ARPP21: variants seen among roughly 807,000 people sequenced by gnomAD.
ARPP21 encodes cAMP regulated phosphoprotein 21.
A neutral mutation model predicts 113.2 loss-of-function variants in ARPP21; 69 were observed. That is an observed-to-expected ratio of 0.61 (90% confidence interval 0.50 to 0.74). The LOEUF is 0.74. Ranked by LOEUF, ARPP21 falls within the 30% of genes least tolerant of loss-of-function variation. The pLI is 0.00. For missense variants in ARPP21, 1,070 were observed against 1,037.4 expected (o/e 1.03, Z -0.43); for synonymous variants, 368 against 375.5 (o/e 0.98, Z 0.23).
At chr3:35,669,368 G>C (rs911991798) in intron 1 of ARPP21, among the ~76,000 whole-genome samples, 16 of 152,032 alleles carry the variant, frequency 1.1e-4, no homozygotes, top group African/African-American at 3.9e-4. Flanking sequence ...TCACAAATAA[G>C]CCCACAGCTC....
At chr3:35,724,766 G>A (rs976603055) in intron 14 of ARPP21, among the ~76,000 whole-genome samples, 5 of 152,134 alleles carry the variant, frequency 3.3e-5, no homozygotes, top group African/African-American at 1.2e-4. Context: ...GACACCCCAT[G>A]TTTCTACCAC....
intron 1 of ARPP21, among the ~76,000 whole-genome samples, chr3:35,671,239 T>A (rs1255608274): frequency 6.6e-6 from 1 of 152,126 alleles, no homozygotes; most frequent in Non-Finnish European, 1.5e-5. Flanking sequence ...TCTCAGGTAG[T>A]TTTGTTGTTA....
chr3:35,731,363 T>A (rs1287815877), intron 15 of ARPP21, among the ~76,000 whole-genome samples: 1 of 152,176 alleles, frequency 6.6e-6, no homozygotes, highest in Non-Finnish European at 1.5e-5. Flanking sequence ...TATCAAAATA[T>A]CTCTTTTGTA....
At chr3:35,639,490 C>T (rs1302360135), upstream of ARPP21, 1 of 151,508 alleles carries the variant, frequency 6.6e-6, no homozygotes, top group Non-Finnish European at 1.5e-5. The surrounding 1 kb of genome is among the most constrained non-coding windows in gnomAD (Gnocchi z 5.0). Flanking sequence ...GCGGCAGTGC[C>T]AGCCGCGTGG....
intron 1 of ARPP21, among the ~76,000 whole-genome samples, chr3:35,671,817 C>A (rs969511426): frequency 1.3e-4 from 20 of 151,782 alleles, no homozygotes; most frequent in African/African-American, 4.6e-4. Flanking sequence ...TGTCACCTAG[C>A]AATATAAGCA....
intron 19 of ARPP21, among the ~76,000 whole-genome samples, chr3:35,773,493 C>T (rs1008733473): frequency 5.9e-5 from 9 of 152,078 alleles, no homozygotes. Context: ...TATTTACTTC[C>T]TCCCTCAAAA....
rs112002226 is a variant in ARPP21, at chr3:35,757,227, T to TAA, written c.2137+13275_2137+13276dup. Among the ~76,000 whole-genome samples the TAA allele has an allele frequency of 7.0e-5, 10 of 143,452 alleles. No homozygotes were observed. In the East Asian group the frequency reaches 1.6e-3, roughly 23 times the overall value. 94.1% of individuals were successfully genotyped at this position (143,452 alleles called of 152,430 possible). A position where few individuals can be genotyped will look rare whatever the true frequency, so the allele number is the denominator to read the frequency against. ...GCACCCGCCACCACATCTGGCTAATTAAAAAAAAAAAAAATTGTAAAGATA... is the reference window on the plus strand; with the variant it reads ...GCACCCGCCACCACATCTGGCTAATTAAAAAAAAAAAAAAAATTGTAAAGATA... On this transcript the variant is annotated intron_variant, in intron 19 of 20. Coordinates refer to ENST00000684406, the MANE Select transcript of ARPP21 (RefSeq NM_001385562.1).
chr3:35,659,303 AT>A (rs1365059106), intron 1 of ARPP21, among the ~76,000 whole-genome samples: 1 of 152,180 alleles, frequency 6.6e-6, no homozygotes, highest in Non-Finnish European at 1.5e-5. Context: ...ACAAGCTCAG[AT>A]TTTTTGGTTA....
intron 5 of ARPP21, chr3:35,684,546 G>T (rs1211356806): frequency 6.1e-6 from 6 of 985,392 alleles, no homozygotes; most frequent in Non-Finnish European, 7.2e-6. Context: ...TATAAAAAAT[G>T]GTCTTGCTGC....
intron 1 of ARPP21, among the ~76,000 whole-genome samples, chr3:35,651,437 C>G (rs1469513901): frequency 2.0e-5 from 3 of 151,976 alleles, no homozygotes; most frequent in African/African-American, 7.2e-5. Flanking sequence ...GTATAATATT[C>G]ATGCATCCAT....
At chr3:35,749,094 A>T (rs550444064) in intron 19 of ARPP21, among the ~76,000 whole-genome samples, 1 of 152,346 alleles carries the variant, frequency 6.6e-6, no homozygotes, top group South Asian at 2.1e-4. Context: ...GCATGTGAGA[A>T]ATAAACCAGC....
chr3:35,729,918 T>A (rs953441361), intron 15 of ARPP21, among the ~76,000 whole-genome samples: 6 of 152,206 alleles, frequency 3.9e-5, no homozygotes, highest in Admixed American at 2.6e-4. Context: ...TTAGCTTGTA[T>A]TATGTCAAAA....
intron 1 of ARPP21, among the ~76,000 whole-genome samples, chr3:35,677,493 G>T (rs143940300): frequency 6.6e-6 from 1 of 151,880 alleles, no homozygotes; most frequent in African/African-American, 2.4e-5. Context: ...TATTTTACTT[G>T]CTTTCTTCAT....
intron 9 of ARPP21, among the ~76,000 whole-genome samples, chr3:35,703,436 T>C (rs558199153): frequency 7.9e-5 from 12 of 152,022 alleles, no homozygotes; most frequent in East Asian, 3.9e-4. Flanking sequence ...TGCCAAGAAA[T>C]TGACCAGAAA....
At chr3:35,744,632 G>A (rs571073633) in intron 19 of ARPP21, 1 of 405,396 alleles carries the variant, frequency 2.5e-6, no homozygotes, top group South Asian at 1.9e-5. Context: ...GTGCTAGGGA[G>A]AGGTTTGTGT....
chr3:35,743,913 T>G lies in ARPP21; in HGVS notation c.2085T>G (p.Val695=). The G allele has an allele frequency of 6.2e-7, 1 of 1,614,122 alleles. No individual in the cohort carries two copies. The change falls in exon 19 of 21, where the codon GTT becomes GTG. Residue 695 remains valine (V), a synonymous_variant. Transcript: ENST00000684406. ...AACAGTACCGGCCCATGGCCCCGGTTCAGTACAACGCTCAGAGGAGTCAAC... is the reference window on the plus strand; with the variant it reads ...AACAGTACCGGCCCATGGCCCCGGTGCAGTACAACGCTCAGAGGAGTCAAC... ...TTQQYRPMAP[V]QYNAQRSQQM...
At chr3:35,759,106 T>C (rs2095670088) in intron 19 of ARPP21, among the ~76,000 whole-genome samples, 1 of 152,092 alleles carries the variant, frequency 6.6e-6, no homozygotes, top group African/African-American at 2.4e-5. Context: ...TGCTTCTGAA[T>C]AAACCCCCAT....
chr3:35,640,237 A>C lies in ARPP21; in HGVS notation c.-374A>C, dbSNP rs953658589. 2.6e-5 allele frequency: 4 copies of C among 152,140 alleles called. No individual in the cohort carries two copies. Among genetic ancestry groups the C allele is most frequent in the Non-Finnish European group, 4.4e-5 (3 of 68,234 alleles). The allele number at this position is 152,140 out of a possible 1,614,324, so 9.4% of individuals were successfully genotyped here. A position where few individuals can be genotyped will look rare whatever the true frequency, so the allele number is the denominator to read the frequency against. ...TCGACCAAAAACAAAACAAACAAAC[A>C]AACCCAACAACAACAACAACAACAA... On this transcript the variant is annotated 5_prime_UTR_variant, in exon 1 of 21. Coordinates refer to ENST00000684406, the MANE Select transcript of ARPP21 (RefSeq NM_001385562.1).
chr3:35,671,520 A>C (rs981012150), intron 1 of ARPP21, among the ~76,000 whole-genome samples: 3 of 152,096 alleles, frequency 2.0e-5, no homozygotes, highest in Admixed American at 2.0e-4. Context: ...ATGTAACACT[A>C]TATTGGGCAA....
Sources: gnomAD v4.1 joint callset for allele counts (sites outside exome capture counted in the v4.1 genomes callset) on GRCh38, gnomAD v4.1.1 for gene constraint, Gnocchi (gnomAD v3.1) non-coding constraint, MANE v1.5 for transcripts, NCBI Gene and HGNC (gene_info 2026-07-23, HGNC 2026-07-21) for gene names.